The following RBBP8NL variants were observed in gnomAD, a reference collection of about 807,000 sequenced individuals.
The protein encoded by RBBP8NL is RBBP8 N-terminal like, also known as RBBP8 N-terminal-like protein.
A neutral mutation model predicts 62.2 loss-of-function variants in RBBP8NL; 59 were observed. That is an observed-to-expected ratio of 0.95 (90% CI 0.77 to 1.18). The LOEUF (loss-of-function observed/expected upper bound fraction) is 1.18, where lower values mean the gene tolerates loss of function less well. Among genes scored for constraint, RBBP8NL ranks in the 50% most tolerant of loss-of-function variants. The pLI, the probability that RBBP8NL is intolerant of heterozygous loss-of-function variation, is 0.00. For missense variants in RBBP8NL, 896 were observed against 899.5 expected, an observed-to-expected ratio of 1.00 and a Z score of 0.05; for synonymous variants, 412 against 394.1, an observed-to-expected ratio of 1.05 and a Z score of -0.54.
At chr20:62,416,038 G>T in intron 6 of RBBP8NL, 93 bp from the exon 7 acceptor site, 1 of 1,463,282 alleles carries the variant, frequency 6.8e-7, no homozygotes, top group Non-Finnish European at 9.3e-7. Flanking sequence ...GACCCCAGGT[G>T]ACGCAGCTGT....
chr20:62,415,807 G>T lies in RBBP8NL; in HGVS notation c.525C>A (p.Gly175=). ...GHEEAEEDHQ[G]VGLRGEEKPA... ...CAGCACCTTCTCCCCGTAGGCCCAC[G>T]CCCTGGTGGTCTTCCTCAGCCTCCT... Residue 175 remains glycine (G), a synonymous_variant, in exon 7 of 14, where the codon GGC becomes GGA. Transcript: ENST00000252998. 1.9e-6 allele frequency: 3 copies of T among 1,612,290 alleles called. No individual in the cohort carries two copies. The highest frequency in any genetic ancestry group is 8.5e-7 in the Non-Finnish European group (1 of 1,179,880).
chr20:62,413,810 G>T lies in RBBP8NL; in HGVS notation c.1530+11C>A. 6.3e-7 allele frequency: 1 copy of T among 1,585,362 alleles called. No homozygotes were observed. The highest frequency in any genetic ancestry group is 2.3e-5 in the East Asian group (1 of 44,376). On this transcript the variant is annotated intron_variant, in intron 10 of 13. Coordinates refer to ENST00000252998, the MANE Select transcript of RBBP8NL (RefSeq NM_080833.3). Reference sequence around the variant, plus strand: ...TGAGGACCGGGTCTGAGCCAGGACCGGGCTCCTTACCATGGGAGTGGAAGC... The same window carrying T: ...TGAGGACCGGGTCTGAGCCAGGACCTGGCTCCTTACCATGGGAGTGGAAGC...
At chr20:62,416,273 T>TGGGGGGGGG in intron 5 of RBBP8NL, 37 bp from the exon 6 acceptor site, 1 of 140,716 alleles carries the variant, frequency 7.1e-6, no homozygotes, top group Admixed American at 8.5e-5. Flanking sequence ...AGCCAGGGGT[T>TGGGGGGGGG]GGGGGGGACA....
chr20:62,419,920 G>A (rs917474071), intron 1 of RBBP8NL, among the ~76,000 whole-genome samples, 190 bp from the exon 2 acceptor site: 1 of 152,214 alleles, frequency 6.6e-6, no homozygotes, highest in Admixed American at 6.5e-5. Context: ...ACATTGTGTG[G>A]CTTCCTCCCA....
At position 62,416,208 on chromosome 20, in the gene RBBP8NL, C is replaced by A; in HGVS notation, c.342G>T (p.Glu114Asp). The A allele has an allele frequency of 6.2e-7, 1 of 1,611,128 alleles. No homozygotes were observed. The change falls in exon 6 of 14, where the codon GAG becomes GAT. Residue 114 changes from glutamate to aspartate, a missense_variant. Physicochemically the swap from Glu to Asp is conservative, Grantham distance 45. Transcript: ENST00000252998. ...LTNEMNGLKE[E>D]NETLKEEVKR... ...TCACCTCCTCCTTCAAGGTCTCGTT[C>A]TCTTCCTTCAGCCCGTTCATCTCGT... is the stretch of plus-strand genomic sequence containing the variant.
chr20:62,420,938 TC>T (rs1157223822), intron 1 of RBBP8NL, among the ~76,000 whole-genome samples: 1 of 152,216 alleles, frequency 6.6e-6, no homozygotes, highest in East Asian at 1.9e-4. Context: ...GGAGCACTCA[TC>T]GTCAAACCCT....
At chr20:62,412,953 C>T in intron 11 of RBBP8NL, 53 bp from the exon 12 acceptor site, 2 of 1,595,628 alleles carry the variant, frequency 1.3e-6, no homozygotes, top group Non-Finnish European at 8.6e-7. Flanking sequence ...CGGGAGTCTC[C>T]CGAGCCTGCC....
chr20:62,414,042 C>T lies in RBBP8NL; in HGVS notation c.1309G>A (p.Ala437Thr), dbSNP rs35290016. 1.1e-3 allele frequency: 1,813 copies of T among 1,591,510 alleles called. 25 individuals are homozygous for T. The African/African-American group carries it at 0.02, about 18-fold the overall frequency. The change falls in exon 10 of 14, where the codon GCC becomes ACC. Residue 437 changes from alanine (A) to threonine (T), a missense_variant. Transcript: ENST00000252998. ...GAGAGGTCCAGGGGCTTGTCTAGGG[C>T]ACAGTCCTGCGTGGCTGCAGCCTCT... is the stretch of plus-strand genomic sequence containing the variant. ...RTEAAATQDCALDKPLDLSEW... is the reference protein window; with the variant it reads ...RTEAAATQDCTLDKPLDLSEW...
At position 62,410,669 on chromosome 20, in the gene RBBP8NL, C is replaced by T; in HGVS notation, c.*209G>A. The T allele has an allele frequency of 1.7e-6, 1 of 578,774 alleles. No individual in the cohort carries two copies. The highest frequency in any genetic ancestry group is 3.0e-6 in the Non-Finnish European group (1 of 328,968). The allele number at this position is 578,774 out of a possible 1,614,324, so 35.9% of individuals were successfully genotyped here. On this transcript the variant is annotated 3_prime_UTR_variant, in exon 14 of 14. Coordinates refer to ENST00000252998, the MANE Select transcript of RBBP8NL (RefSeq NM_080833.3). The stretch of plus-strand genomic sequence containing the variant: ...CCCGTCACCGGCTCTTCGGGGTTGC[C>T]TGCTGGTTGGGTGGTGTGCCCTCTC...
chr20:62,421,993 C>T (rs1442894373), intron 1 of RBBP8NL, among the ~76,000 whole-genome samples: 1 of 152,212 alleles, frequency 6.6e-6, no homozygotes, highest in Non-Finnish European at 1.5e-5. Flanking sequence ...CGGCCTCCTC[C>T]CTGCCTGGCC....
At chr20:62,412,504 G>T in intron 13 of RBBP8NL, 120 bp downstream of exon 13, 3 of 1,341,944 alleles carry the variant, frequency 2.2e-6, no homozygotes, top group Non-Finnish European at 3.1e-6. Flanking sequence ...TTCATTTTTG[G>T]CTCCATCATT....
chr20:62,419,045 G>A (rs985426451), intron 2 of RBBP8NL, among the ~76,000 whole-genome samples: 6 of 152,172 alleles, frequency 3.9e-5, no homozygotes, highest in Middle Eastern at 3.4e-3. Context: ...CCTGTCCCTC[G>A]TGGGGGAAGT....
intron 1 of RBBP8NL, among the ~76,000 whole-genome samples, chr20:62,426,773 C>T (rs536083290): frequency 1.2e-4 from 18 of 152,262 alleles, no homozygotes; most frequent in Non-Finnish European, 2.4e-4. Context: ...CACATGCACT[C>T]GTGTACCCCA....
chr20:62,416,134 G>A (rs771209545), intron 6 of RBBP8NL, 30 bp downstream of exon 6: 4 of 1,595,742 alleles, frequency 2.5e-6, no homozygotes, highest in East Asian at 2.2e-5. Context: ...GGAGTTGGGT[G>A]TCTGAGCCCT....
At chr20:62,420,962 CA>C (rs1988684312) in intron 1 of RBBP8NL, among the ~76,000 whole-genome samples, 1 of 152,260 alleles carries the variant, frequency 6.6e-6, no homozygotes, top group Admixed American at 6.5e-5. Context: ...CAGACCTTTC[CA>C]AATTCCCAGT....
In RBBP8NL at chr20:62,416,892, G is replaced by T; in HGVS notation, c.201-20C>A. On this transcript the variant is annotated intron_variant, in intron 4 of 13. Coordinates refer to ENST00000252998, the MANE Select transcript of RBBP8NL (RefSeq NM_080833.3). Reference sequence around the variant, plus strand: ...CGCAGCCTGCAGGGATGGGGACGCAGGGGGTGTGAGGGATGGCACGGAAGC... The same window carrying T: ...CGCAGCCTGCAGGGATGGGGACGCATGGGGTGTGAGGGATGGCACGGAAGC... The T allele has an allele frequency of 6.6e-7, 1 of 1,516,746 alleles. No homozygotes were observed. The highest frequency in any genetic ancestry group is 8.9e-7 in the Non-Finnish European group (1 of 1,123,786). The allele number at this position is 1,516,746 out of a possible 1,614,324, so 94.0% of individuals were successfully genotyped here. A position where few individuals can be genotyped will look rare whatever the true frequency, so the allele number is the denominator to read the frequency against.
chr20:62,420,375 C>CACACACACAT (rs1555892564), intron 1 of RBBP8NL, among the ~76,000 whole-genome samples: 5 of 150,446 alleles, frequency 3.3e-5, no homozygotes, highest in African/African-American at 1.2e-4. Context: ...CACACACACA[C>CACACACACAT]ACACACACAC....
At chr20:62,418,379 C>T in intron 3 of RBBP8NL, 44 bp downstream of exon 3, 1 of 1,532,840 alleles carries the variant, frequency 6.5e-7, no homozygotes, top group South Asian at 1.2e-5. Flanking sequence ...ATGAAGTGGC[C>T]AGTGTGGTCC....
chr20:62,418,591 C>G, intron 2 of RBBP8NL, 126 bp from the exon 3 acceptor site: 4 of 966,898 alleles, frequency 4.1e-6, no homozygotes, highest in Non-Finnish European at 6.4e-6. Flanking sequence ...CTGGGGGAGC[C>G]CTGCCAGGTG....
Sources: allele counts gnomAD v4.1 joint callset (sites outside exome capture counted in the v4.1 genomes callset), GRCh38; gene constraint gnomAD v4.1.1; transcripts MANE v1.5; gene names NCBI Gene and HGNC (gene_info 2026-07-23, HGNC 2026-07-21).